CCDC85C: variants seen among roughly 807,000 people sequenced by gnomAD.
CCDC85C encodes coiled-coil domain-containing protein 85C.
A neutral mutation model predicts 38.3 loss-of-function variants in CCDC85C; 18 were observed. The ratio of observed to expected loss-of-function variants is 0.47; its 90% CI spans 0.33 to 0.70. The LOEUF is 0.70. Ranked by LOEUF, CCDC85C falls within the 30% of genes least tolerant of loss-of-function variation. The pLI is 0.03. For missense variants in CCDC85C, 566 were observed against 621.2 expected, an observed-to-expected ratio of 0.91 and a Z score of 0.94; for synonymous variants, 264 against 293.8, an observed-to-expected ratio of 0.90 and a Z score of 1.04.
intron 1 of CCDC85C, among the ~76,000 whole-genome samples, chr14:99,597,067 C>T: frequency 6.6e-6 from 1 of 152,150 alleles, no homozygotes; most frequent in East Asian, 1.9e-4. Context: ...AGGCTCTCTC[C>T]TGTGGCCACT....
Position 99,520,233 on chromosome 14 carries a change from G to C in CCDC85C, c.975+1900C>G, listed in dbSNP as rs1182613002. ...AGGGCCTGTGTGCCAGGCAGTGTCT[G>C]AGCCCGGAGACGGCCCTCTCTGGAT... On this transcript the variant is annotated intron_variant, in intron 3 of 5. Transcript: ENST00000380243. The surrounding 1 kb of genome is among the most constrained non-coding windows in gnomAD (Gnocchi z 4.1). Among the ~76,000 whole-genome samples the C allele has an allele frequency of 6.6e-6, 1 of 152,156 alleles. No homozygotes were observed. Among genetic ancestry groups the C allele is most frequent in the Non-Finnish European group, 1.5e-5 (1 of 68,012 alleles).
chr14:99,530,115 C>T (rs994279798), intron 2 of CCDC85C, among the ~76,000 whole-genome samples: 2 of 152,220 alleles, frequency 1.3e-5, no homozygotes, highest in Non-Finnish European at 2.9e-5. Context: ...GACTCTCCCC[C>T]AGCATCTGGC....
In CCDC85C at chr14:99,515,320, G is replaced by A; in HGVS notation, c.1186C>T (p.Leu396=). Residue 396 remains leucine, a synonymous_variant, in exon 6 of 6, where the codon CTG becomes TTG. Transcript: ENST00000380243. Reference sequence around the variant, plus strand: ...GGCTTGGAGCTGGCTGCATCTCCCAGCTTTCTCCAGACCACCTGTGGAGAG... The same window carrying A: ...GGCTTGGAGCTGGCTGCATCTCCCAACTTTCTCCAGACCACCTGTGGAGAG... ...REMCNVVWRK[L]GDAASSKPSI... is the part of the protein sequence containing the mutation. 3 of 1,550,584 alleles carry A rather than the reference G, an allele frequency of 1.9e-6. No individual in the cohort carries two copies. In the South Asian group the frequency reaches 3.6e-5, roughly 18 times the overall value.
intron 3 of CCDC85C, among the ~76,000 whole-genome samples, chr14:99,518,843 C>T (rs1897265668): frequency 6.6e-6 from 1 of 152,180 alleles, no homozygotes. Context: ...CTCTCCTGCC[C>T]GCCTCACTGG....
chr14:99,536,163 C>G, intron 1 of CCDC85C, 75 bp from the exon 2 acceptor site: 1 of 1,035,718 alleles, frequency 9.7e-7, no homozygotes, highest in Admixed American at 2.0e-5. Flanking sequence ...CCGACTGGCC[C>G]CAGACCCGGC....
chr14:99,512,953 C>T lies in CCDC85C; in HGVS notation c.*2293G>A, dbSNP rs538010021. On this transcript the variant is annotated 3_prime_UTR_variant, in exon 6 of 6. Coordinates refer to ENST00000380243, the MANE Select transcript of CCDC85C (RefSeq NM_001144995.2). The stretch of plus-strand genomic sequence containing the variant: ...AGCTATTAGTTTGAGATGTGACAGT[C>T]GCCGACAGGGTTCTGTCCTAGAAAG... 2 of 152,336 alleles carry T rather than the reference C, an allele frequency of 1.3e-5. No individual in the cohort carries two copies. Among genetic ancestry groups the T allele is most frequent in the Admixed American group, 6.5e-5 (1 of 15,302 alleles). 9.4% of individuals were successfully genotyped at this position (152,336 alleles called of 1,614,324 possible). A position where few individuals can be genotyped will look rare whatever the true frequency, so the allele number is the denominator to read the frequency against.
chr14:99,516,806 C>G lies in CCDC85C; in HGVS notation c.1071+282G>C, dbSNP rs956633154. ...AGGTTAGTTCTAGCCCCACTCCTGC[C>G]CCTCTCTCTCTGGCCTTAGTTGGGT... On this transcript the variant is annotated intron_variant, in intron 4 of 5. Coordinates refer to ENST00000380243, the MANE Select transcript of CCDC85C (RefSeq NM_001144995.2). This position sits in a 1 kb window ranked among gnomAD's most constrained non-coding sequence, Gnocchi z 5.5. Among the ~76,000 whole-genome samples, 7 of 152,100 alleles carry G rather than the reference C, an allele frequency of 4.6e-5. No individual in the cohort carries two copies. Among genetic ancestry groups the G allele is most frequent in the Admixed American group, 6.5e-5 (1 of 15,280 alleles).
chr14:99,507,036 A>G lies in CCDC85C; in HGVS notation c.*8210T>C. 1 of 1,164,922 alleles carries G rather than the reference A, an allele frequency of 8.6e-7. No homozygotes were observed. Among genetic ancestry groups the G allele is most frequent in the Non-Finnish European group, 1.3e-6 (1 of 769,758 alleles). The allele number at this position is 1,164,922 out of a possible 1,614,324, so 72.2% of individuals were successfully genotyped here. A position where few individuals can be genotyped will look rare whatever the true frequency, so the allele number is the denominator to read the frequency against. On this transcript the variant is annotated 3_prime_UTR_variant, in exon 6 of 6. Transcript: ENST00000380243. ...CTTTATGACATGCTTATTCATGTGA[A>G]GAAGTATGAGTGGTTTTCTAATCTG...
At chr14:99,561,117 G>A (rs997668212) in intron 1 of CCDC85C, among the ~76,000 whole-genome samples, 1 of 152,220 alleles carries the variant, frequency 6.6e-6, no homozygotes, top group African/African-American at 2.4e-5. Flanking sequence ...CACCCACTAC[G>A]TGCATGGGGG....
At chr14:99,581,431 G>A (rs1390468109) in intron 1 of CCDC85C, among the ~76,000 whole-genome samples, 3 of 152,240 alleles carry the variant, frequency 2.0e-5, no homozygotes, top group Non-Finnish European at 4.4e-5. Context: ...TAGGAGGACA[G>A]CGTATGAAGC....
chr14:99,602,399 C>A (rs954860537), intron 1 of CCDC85C, among the ~76,000 whole-genome samples: 1 of 152,218 alleles, frequency 6.6e-6, no homozygotes, highest in Admixed American at 6.5e-5. Flanking sequence ...TCCTGTAAGG[C>A]GATCAACAGT....
intron 1 of CCDC85C, among the ~76,000 whole-genome samples, chr14:99,556,720 TCTCA>T (rs1331548654): frequency 6.6e-6 from 1 of 152,126 alleles, no homozygotes; most frequent in Admixed American, 6.5e-5. Flanking sequence ...TTTGTAAAAG[TCTCA>T]CTATGTTGCC....
chr14:99,540,200 G>A (rs1228675648), intron 1 of CCDC85C, among the ~76,000 whole-genome samples: 1 of 152,120 alleles, frequency 6.6e-6, no homozygotes, highest in African/African-American at 2.4e-5. Flanking sequence ...TTACATGCAT[G>A]GCCACCCAAT....
At chr14:99,539,151 G>A (rs759932412) in intron 1 of CCDC85C, among the ~76,000 whole-genome samples, 4 of 152,178 alleles carry the variant, frequency 2.6e-5, no homozygotes, top group Non-Finnish European at 5.9e-5. Context: ...AGACCATCCA[G>A]TAATTCCAGT....
intron 1 of CCDC85C, among the ~76,000 whole-genome samples, chr14:99,567,519 A>C (rs749255824): frequency 3.9e-5 from 6 of 152,164 alleles, no homozygotes; most frequent in Non-Finnish European, 5.9e-5. Context: ...CGGCAGATAA[A>C]ACTAATCTTA....
intron 1 of CCDC85C, among the ~76,000 whole-genome samples, chr14:99,568,289 G>C (rs989790946): frequency 5.4e-4 from 64 of 117,520 alleles, no homozygotes; most frequent in Non-Finnish European, 8.2e-4. Flanking sequence ...GTCTCACTCT[G>C]TCACCCAGGC....
Position 99,502,158 on chromosome 14 carries a change from A to T in CCDC85C, c.*13088T>A. The T allele has an allele frequency of 6.6e-7, 1 of 1,519,276 alleles. No homozygotes were observed. Among genetic ancestry groups the T allele is most frequent in the Non-Finnish European group, 8.8e-7 (1 of 1,131,728 alleles). 94.1% of individuals were successfully genotyped at this position (1,519,276 alleles called of 1,614,324 possible). On this transcript the variant is annotated 3_prime_UTR_variant, in exon 6 of 6. Coordinates refer to ENST00000380243, the MANE Select transcript of CCDC85C (RefSeq NM_001144995.2). ...GGCATCTCCATGCACTGGTTTAATCATAAATATTAGATCATATTATCTAAC... is the reference window on the plus strand; with the variant it reads ...GGCATCTCCATGCACTGGTTTAATCTTAAATATTAGATCATATTATCTAAC...
intron 1 of CCDC85C, among the ~76,000 whole-genome samples, chr14:99,552,226 AG>A (rs1329002837): frequency 6.6e-6 from 1 of 152,140 alleles, no homozygotes; most frequent in East Asian, 1.9e-4. Flanking sequence ...ACCACTGGGG[AG>A]GAGGTAGGCA....
chr14:99,589,750 T>C (rs1376190709), intron 1 of CCDC85C, among the ~76,000 whole-genome samples: 2 of 152,196 alleles, frequency 1.3e-5, no homozygotes, highest in African/African-American at 4.8e-5. Flanking sequence ...GGGGCTGCTA[T>C]GGGGCCATGG....
Sources: gnomAD v4.1 joint callset for allele counts (sites outside exome capture counted in the v4.1 genomes callset) on GRCh38, gnomAD v4.1.1 for gene constraint, Gnocchi (gnomAD v3.1) non-coding constraint, MANE v1.5 for transcripts, NCBI Gene and HGNC (gene_info 2026-07-23, HGNC 2026-07-21) for gene names.